The following ATG9A variants were observed in gnomAD, a reference collection of about 807,000 sequenced individuals.
ATG9A encodes the protein autophagy-related protein 9A.
A neutral mutation model predicts 87.1 loss-of-function variants in ATG9A; 21 were observed. The ratio of observed to expected loss-of-function variants is 0.24; its 90% CI spans 0.17 to 0.35. ATG9A has a LOEUF of 0.35. ATG9A is among the 10% of genes least tolerant of loss of function. The probability of loss-of-function intolerance (pLI) is 1.00; values close to 1 mark genes in which losing one functional copy is unlikely to be tolerated. For missense variants in ATG9A, 836 were observed against 1,107.3 expected (o/e 0.76, Z 3.48); for synonymous variants, 422 against 441.3 (o/e 0.96, Z 0.55).
intron 15 of ATG9A, 43 bp from the exon 16 acceptor site, chr2:219,220,495 C>T (rs1950728971): frequency 6.2e-7 from 1 of 1,611,420 alleles, no homozygotes; most frequent in Non-Finnish European, 8.5e-7. Flanking sequence ...TCTTCAGCTT[C>T]TGGTTGATAC....
Position 219,224,942 on chromosome 2 carries a change from G to A in ATG9A, c.517-88C>T. ...GCCCTATATTAGAAGTGAGATTCAG[G>A]GGTTGTGAGCTTAAGAGACAGTTCC... On this transcript the variant is annotated intron_variant, in intron 7 of 15. Coordinates refer to ENST00000361242, the MANE Select transcript of ATG9A (RefSeq NM_001077198.3). This position sits in a 1 kb window ranked among gnomAD's most constrained non-coding sequence, Gnocchi z 7.7. 6.3e-7 allele frequency: 1 copy of A among 1,577,668 alleles called. No individual in the cohort carries two copies.
Position 219,224,594 on chromosome 2 carries a change from A to G in ATG9A, c.777T>C (p.Pro259=). ...YNFELILFWG[P]GSLFLNEWSL... The stretch of plus-strand genomic sequence containing the variant: ...TCCATTCATTGAGAAACAGAGAGCC[A>G]GGTCCCCAGAAGAGGATCAGCTCAA... Residue 259 remains proline, a synonymous_variant, in exon 8 of 16, where the codon CCT becomes CCC. Coordinates refer to ENST00000361242, the MANE Select transcript of ATG9A (RefSeq NM_001077198.3). The surrounding 1 kb of genome is among the most constrained non-coding windows in gnomAD (Gnocchi z 7.7). 1.9e-6 allele frequency: 3 copies of G among 1,614,204 alleles called. No individual in the cohort carries two copies. Among genetic ancestry groups the G allele is most frequent in the South Asian group, 2.2e-5 (2 of 91,084 alleles).
intron 13 of ATG9A, 132 bp from the exon 14 acceptor site, chr2:219,221,434 G>C: frequency 2.6e-6 from 2 of 779,614 alleles, no homozygotes; most frequent in South Asian, 2.0e-5. Context: ...CACCTATTAT[G>C]TTAATAGTGT....
Position 219,220,154 on chromosome 2 carries a change from G to A in ATG9A, c.*293C>T, listed in dbSNP as rs147462116. On this transcript the variant is annotated 3_prime_UTR_variant, in exon 16 of 16. Transcript: ENST00000361242. ...GGGACTTGCAGGGGTAGGTGTAAAG[G>A]TGGCAGTACTGGGGCTGGGCTGGGG... 1.4e-3 allele frequency: 668 copies of A among 465,874 alleles called. 10 individuals are homozygous for A. The highest frequency in any genetic ancestry group is 0.011 in the African/African-American group (579 of 51,880). The allele number at this position is 465,874 out of a possible 1,614,324, so 28.9% of individuals were successfully genotyped here. A position where few individuals can be genotyped will look rare whatever the true frequency, so the allele number is the denominator to read the frequency against.
chr2:219,221,996 G>T, intron 13 of ATG9A, 54 bp downstream of exon 13: 2 of 1,515,540 alleles, frequency 1.3e-6, no homozygotes, highest in Non-Finnish European at 1.8e-6. Flanking sequence ...TGGAACCCCG[G>T]TCTTGCTTCT....
intron 2 of ATG9A, 128 bp downstream of exon 2, chr2:219,228,306 G>A: frequency 2.4e-6 from 1 of 422,144 alleles, no homozygotes; most frequent in South Asian, 4.4e-5. Context: ...GTTGGGGGCT[G>A]TTTCATCTTC....
rs1950805600 is a variant in ATG9A, at chr2:219,223,505, G to A, written c.1599+80C>T. ...ACTGCCTTTGTGTGACTCAGGAGAGGTGTCTTTTTGCGGTTTTCCCAAAGA... is the reference window on the plus strand; with the variant it reads ...ACTGCCTTTGTGTGACTCAGGAGAGATGTCTTTTTGCGGTTTTCCCAAAGA... On this transcript the variant is annotated intron_variant, in intron 10 of 15. Transcript: ENST00000361242. The surrounding 1 kb of genome is among the most constrained non-coding windows in gnomAD (Gnocchi z 4.7). The A allele has an allele frequency of 2.1e-6, 3 of 1,450,982 alleles. No homozygotes were observed. Among genetic ancestry groups the A allele is most frequent in the African/African-American group, 1.4e-5 (1 of 70,344 alleles). 89.9% of individuals were successfully genotyped at this position (1,450,982 alleles called of 1,614,324 possible). A position where few individuals can be genotyped will look rare whatever the true frequency, so the allele number is the denominator to read the frequency against.
chr2:219,225,002 C>A (rs1039004923), intron 7 of ATG9A, 69 bp downstream of exon 7: 110 of 1,596,782 alleles, frequency 6.9e-5, no homozygotes, highest in Middle Eastern at 1.7e-4. Context: ...TAACTGATGC[C>A]CAGGAATACA....
At chr2:219,228,914 G>T (rs1269655308) in intron 1 of ATG9A, 1 of 152,316 alleles carries the variant, frequency 6.6e-6, no homozygotes, top group Non-Finnish European at 1.5e-5. Context: ...CTTCTGGATG[G>T]GAAACCTTGA....
intron 15 of ATG9A, 103 bp downstream of exon 15, chr2:219,220,642 ATC>A (rs1209967388): frequency 6.0e-6 from 9 of 1,509,074 alleles, no homozygotes; most frequent in South Asian, 2.4e-5. Context: ...AGGGTACAGT[ATC>A]TCTGTGTGGG....
Position 219,222,234 on chromosome 2 carries a change from G to T in ATG9A, c.2027+38C>A. ...CTGAGACCCACACAAGCTGCTGAGG[G>T]CTGCCGTGCCCTCCCATCTTGGCCC... On this transcript the variant is annotated intron_variant, in intron 12 of 15. Coordinates refer to ENST00000361242, the MANE Select transcript of ATG9A (RefSeq NM_001077198.3). This position sits in a 1 kb window ranked among gnomAD's most constrained non-coding sequence, Gnocchi z 4.3. The T allele has an allele frequency of 6.2e-7, 1 of 1,613,402 alleles. No homozygotes were observed. Among genetic ancestry groups the T allele is most frequent in the Non-Finnish European group, 8.5e-7 (1 of 1,179,842 alleles).
chr2:219,223,960 G>A lies in ATG9A; in HGVS notation c.1328C>T (p.Ala443Val). 1 of 1,614,180 alleles carries A rather than the reference G, an allele frequency of 6.2e-7. No individual in the cohort carries two copies. The highest frequency in any genetic ancestry group is 1.3e-5 in the African/African-American group (1 of 75,064). ...GTGGTCAGGCATGTAGTGGATGTGA[G>A]CGAGGATCACGCGGAGCAGCTGCTC... is the stretch of plus-strand genomic sequence containing the variant. ...CPEQLLRVILAHIHYMPDHWQ... is the reference protein window; with the variant it reads ...CPEQLLRVILVHIHYMPDHWQ... The change falls in exon 9 of 16, where the codon GCT becomes GTT. Residue 443 changes from alanine (A) to valine (V), a missense_variant. Physicochemically the swap from Ala to Val is moderately conservative, Grantham distance 64. This residue lies in a region of ATG9A where 512 missense variants were observed against 759.6 expected (regional missense o/e 0.67). Transcript: ENST00000361242. The surrounding 1 kb of genome is among the most constrained non-coding windows in gnomAD (Gnocchi z 4.7).
At position 219,225,639 on chromosome 2, in the gene ATG9A, G is replaced by A. The variant is rs1052106831; in HGVS notation, c.213-67C>T. 1.2e-5 allele frequency: 19 copies of A among 1,548,166 alleles called. No individual in the cohort carries two copies. The African/African-American group carries it at 2.2e-4, about 18-fold the overall frequency. On this transcript the variant is annotated intron_variant, in intron 5 of 15. Coordinates refer to ENST00000361242, the MANE Select transcript of ATG9A (RefSeq NM_001077198.3). ...AGGCTCCAGTGAAACCCAGTGGGAA[G>A]AGGAGAGTCTGGAGGTGGCAGAACA...
Position 219,223,586 on chromosome 2 carries a change from T to C in ATG9A, c.1598A>G (p.Gln533Arg). 1 of 1,601,122 alleles carries C rather than the reference T, an allele frequency of 6.2e-7. No homozygotes were observed. The highest frequency in any genetic ancestry group is 8.5e-7 in the Non-Finnish European group (1 of 1,172,758). The change falls in exon 10 of 16, where the codon CAG becomes CGG. Residue 533 changes from glutamine (Q) to arginine (R), a missense_variant and splice_region_variant. Physicochemically the swap from Gln to Arg is conservative, Grantham distance 43 (BLOSUM62 1). Transcript: ENST00000361242. The surrounding 1 kb of genome is among the most constrained non-coding windows in gnomAD (Gnocchi z 4.7). ...CCTGGCTCCCTCCTCTCCCAGTACC[T>C]GGGGATGACCATGCTGGCGAACATC... ...QMDVRQHGHP[Q>R]WLSAGQTEAS...
At chr2:219,221,981 G>C (rs1422000637) in intron 13 of ATG9A, 69 bp downstream of exon 13, 5 of 1,394,144 alleles carry the variant, frequency 3.6e-6, no homozygotes, top group East Asian at 2.3e-5. Flanking sequence ...TGGCAGAGAA[G>C]GGTTTGGAAC....
At chr2:219,226,545 G>A (rs75174102) in intron 5 of ATG9A, among the ~76,000 whole-genome samples, 1 of 152,142 alleles carries the variant, frequency 6.6e-6, no homozygotes, top group Admixed American at 6.5e-5. Flanking sequence ...AAAATTAGCC[G>A]GGCATGGTGG....
chr2:219,221,464 T>G (rs1256768614), intron 13 of ATG9A, among the ~76,000 whole-genome samples, 162 bp from the exon 14 acceptor site: 1 of 152,208 alleles, frequency 6.6e-6, no homozygotes, highest in African/African-American at 2.4e-5. Context: ...CTCTGATCTT[T>G]ACAGGTTACA....
chr2:219,220,827 C>T lies in ATG9A; in HGVS notation c.2434G>A (p.Asp812Asn). The T allele has an allele frequency of 6.2e-7, 1 of 1,613,500 alleles. No individual in the cohort carries two copies. The highest frequency in any genetic ancestry group is 8.5e-7 in the Non-Finnish European group (1 of 1,179,988). ...GGGTGCCTTGATGCCGACTGCCCAT[C>T]TTCTGCCCACCCTCCAAGAGGCAGC... is the stretch of plus-strand genomic sequence containing the variant. ...SRLPLGGWAE[D>N]GQSASRHPEP... is the part of the protein sequence containing the mutation. The change falls in exon 15 of 16, where the codon GAT (aspartate) becomes AAT (asparagine). Residue 812 changes from aspartate (D) to asparagine (N), a missense_variant. Physicochemically the swap from Asp to Asn is conservative, Grantham distance 23. Coordinates refer to ENST00000361242, the MANE Select transcript of ATG9A (RefSeq NM_001077198.3).
rs1950786384 is a variant in ATG9A, at chr2:219,222,656, A to C, written c.1837T>G (p.Ser613Ala). Residue 613 changes from serine to alanine, a missense_variant, in exon 11 of 16, where the codon TCT becomes GCT. Physicochemically the swap from Ser to Ala is moderately conservative, Grantham distance 99 (BLOSUM62 1). This residue lies in a region of ATG9A where 324 missense variants were observed against 347.6 expected (regional missense o/e 0.93). Coordinates refer to ENST00000361242, the MANE Select transcript of ATG9A (RefSeq NM_001077198.3). This position sits in a 1 kb window ranked among gnomAD's most constrained non-coding sequence, Gnocchi z 4.3. Reference sequence around the variant, plus strand: ...CACCAGGAACACACCTCAGACTCAGATTGTAAGGACTGGATAGACGTAAAG... The same window carrying C: ...CACCAGGAACACACCTCAGACTCAGCTTGTAAGGACTGGATAGACGTAAAG... ...ALFTSIQSLQ[S>A]ESEPLSLIAN... 4 of 1,613,948 alleles carry C rather than the reference A, an allele frequency of 2.5e-6. No homozygotes were observed. The highest frequency in any genetic ancestry group is 1.7e-5 in the Admixed American group (1 of 59,992).
Sources: allele counts gnomAD v4.1 joint callset (sites outside exome capture counted in the v4.1 genomes callset), GRCh38; gene constraint gnomAD v4.1.1; regional missense constraint gnomAD v4.1.1; non-coding constraint Gnocchi (gnomAD v3.1); transcripts MANE v1.5; gene names NCBI Gene and HGNC (gene_info 2026-07-23, HGNC 2026-07-21).